SLC30A9: variants seen among roughly 807,000 people sequenced by gnomAD.
SLC30A9 encodes the protein solute carrier family 30 member 9.
In SLC30A9, 58 loss-of-function variants were observed where a neutral mutation model predicts 87.5. The ratio of observed to expected loss-of-function variants is 0.66; its 90% CI spans 0.54 to 0.82. The LOEUF (loss-of-function observed/expected upper bound fraction) is 0.82, where lower values mean the gene tolerates loss of function less well. Ranked by LOEUF, SLC30A9 falls within the 40% of genes least tolerant of loss-of-function variation. SLC30A9 has a pLI of 0.00. For missense variants in SLC30A9, 557 were observed against 679.1 expected, an observed-to-expected ratio of 0.82 and a Z score of 2.00; for synonymous variants, 234 against 233.0, an observed-to-expected ratio of 1.00 and a Z score of -0.04.
rs183256479 is a variant in SLC30A9 at position 42,054,586 on chromosome 4, G to A, written c.840+5107G>A. Among the ~76,000 whole-genome samples, 964 of 151,802 alleles carry A rather than the reference G, an allele frequency of 6.4e-3. 14 individuals are homozygous for A. The highest frequency in any genetic ancestry group is 0.022 in the African/African-American group (927 of 41,394). On this transcript the variant is annotated intron_variant, in intron 9 of 17. Coordinates refer to ENST00000264451, the MANE Select transcript of SLC30A9 (RefSeq NM_006345.4). Reference sequence around the variant, plus strand: ...GCTCACTGCAAGCTCCGCCTCCCAGGTTCACACCATTCTCCTGCCTCAGCC... The same window carrying A: ...GCTCACTGCAAGCTCCGCCTCCCAGATTCACACCATTCTCCTGCCTCAGCC...
intron 8 of SLC30A9, among the ~76,000 whole-genome samples, chr4:42,048,349 G>A (rs1258510530): frequency 6.6e-6 from 1 of 152,190 alleles, no homozygotes; most frequent in Non-Finnish European, 1.5e-5. Context: ...AGGTGGTATT[G>A]ATAAGATGAA....
Position 42,065,321 on chromosome 4 carries a change from T to C in SLC30A9, c.1044T>C (p.Ile348=). The C allele has an allele frequency of 7.3e-7, 1 of 1,365,902 alleles. No homozygotes were observed. Among genetic ancestry groups the C allele is most frequent in the Non-Finnish European group, 1.0e-6 (1 of 957,028 alleles). The allele number at this position is 1,365,902 out of a possible 1,614,324, so 84.6% of individuals were successfully genotyped here. A position where few individuals can be genotyped will look rare whatever the true frequency, so the allele number is the denominator to read the frequency against. Residue 348 remains isoleucine (I), a synonymous_variant, in exon 12 of 18, where the codon ATT becomes ATC. Coordinates refer to ENST00000264451, the MANE Select transcript of SLC30A9 (RefSeq NM_006345.4). ...TATTTCTTTTCTAGGCATATTGTAT[T>C]TTAGCAGGATCATTAGTATCTGAAG... ...PIESLLWAYC[I]LAGSLVSEGA...
chr4:42,043,792 G>A (rs959957095), intron 8 of SLC30A9, among the ~76,000 whole-genome samples: 11 of 152,136 alleles, frequency 7.2e-5, no homozygotes, highest in Admixed American at 1.3e-4. Context: ...TTGAAATGAA[G>A]GAAAAAATGT....
At chr4:41,996,326 C>T (rs1714704210) in intron 1 of SLC30A9, among the ~76,000 whole-genome samples, 1 of 151,606 alleles carries the variant, frequency 6.6e-6, no homozygotes, top group South Asian at 2.1e-4. Flanking sequence ...AAACTCCTGA[C>T]CTCAGGTGAT....
intron 2 of SLC30A9, among the ~76,000 whole-genome samples, chr4:42,005,059 G>A (rs1715145714): frequency 6.6e-6 from 1 of 152,016 alleles, no homozygotes; most frequent in African/African-American, 2.4e-5. Context: ...GTTAAACATA[G>A]CTATTTTATA....
chr4:42,058,285 C>G (rs973521818), intron 9 of SLC30A9, among the ~76,000 whole-genome samples: 2 of 152,146 alleles, frequency 1.3e-5, no homozygotes, highest in African/African-American at 4.8e-5. Flanking sequence ...TAACAAGAGT[C>G]ACCTTTGCCC....
At chr4:42,072,003 A>C (rs1577721607) in intron 15 of SLC30A9, among the ~76,000 whole-genome samples, 1 of 152,252 alleles carries the variant, frequency 6.6e-6, no homozygotes, top group African/African-American at 2.4e-5. Flanking sequence ...TTCTTGACTT[A>C]GTTTAAGTAG....
At chr4:42,018,725 A>G (rs1715818808) in intron 3 of SLC30A9, among the ~76,000 whole-genome samples, 1 of 152,166 alleles carries the variant, frequency 6.6e-6, no homozygotes, top group Non-Finnish European at 1.5e-5. Context: ...GACCTTGGGC[A>G]ATTTACTTGA....
intron 1 of SLC30A9, 70 bp from the exon 2 acceptor site, chr4:42,001,546 G>T: frequency 1.1e-6 from 1 of 931,120 alleles, no homozygotes; most frequent in Non-Finnish European, 1.6e-6. Context: ...CTCTGGAGAG[G>T]GTGGCTTGGC....
At chr4:41,995,053 T>C (rs1714638418) in intron 1 of SLC30A9, among the ~76,000 whole-genome samples, 1 of 151,198 alleles carries the variant, frequency 6.6e-6, no homozygotes, top group Non-Finnish European at 1.5e-5. Flanking sequence ...AGGTCAGGAG[T>C]TCTAGACCAG....
At position 42,049,400 on chromosome 4, in the gene SLC30A9, A is replaced by C; in HGVS notation, c.761A>C (p.Lys254Thr). ...AGCAATGGATTAAACTGCTTCTTTAAATTTCTTGCCTGGATTTATACCGGT... is the reference window on the plus strand; with the variant it reads ...AGCAATGGATTAAACTGCTTCTTTACATTTCTTGCCTGGATTTATACCGGT... ...ICINGLNCFF[K>T]FLAWIYTGSA... The change falls in exon 9 of 18, where the codon AAA becomes ACA. Residue 254 changes from lysine to threonine, a missense_variant. By Grantham distance (78) the Lys-to-Thr change is moderately conservative (BLOSUM62 -1). This residue lies in a region of SLC30A9 where 467 missense variants were observed against 529.8 expected (regional missense o/e 0.88). Coordinates refer to ENST00000264451, the MANE Select transcript of SLC30A9 (RefSeq NM_006345.4). 1 of 1,610,534 alleles carries C rather than the reference A, an allele frequency of 6.2e-7. No homozygotes were observed. Among genetic ancestry groups the C allele is most frequent in the Non-Finnish European group, 8.5e-7 (1 of 1,177,818 alleles).
In SLC30A9 at chr4:42,020,534, G is replaced by A; in HGVS notation, c.434+19G>A. The A allele has an allele frequency of 2.3e-6, 3 of 1,293,956 alleles. No homozygotes were observed. Among genetic ancestry groups the A allele is most frequent in the Non-Finnish European group, 2.2e-6 (2 of 897,624 alleles). The allele number at this position is 1,293,956 out of a possible 1,614,324, so 80.2% of individuals were successfully genotyped here. On this transcript the variant is annotated intron_variant, in intron 4 of 17. Transcript: ENST00000264451. ...AATCCAGGTAATTTTTTTAAAAAAT[G>A]TAGCCGTGTGTCATATCTAAATAAT...
intron 17 of SLC30A9, among the ~76,000 whole-genome samples, chr4:42,079,797 T>C (rs1718689517): frequency 6.6e-6 from 1 of 151,886 alleles, no homozygotes; most frequent in African/African-American, 2.4e-5. Context: ...TTTGTACTTT[T>C]AGTAGAGACA....
At chr4:42,061,901 A>C (rs78519221) in intron 10 of SLC30A9, among the ~76,000 whole-genome samples, 2 of 145,514 alleles carry the variant, frequency 1.4e-5, no homozygotes, top group East Asian at 2.0e-4. Context: ...ACTCCGTTTC[A>C]AAAAAAAAAA....
intron 15 of SLC30A9, among the ~76,000 whole-genome samples, chr4:42,075,034 TATATATATATATATATATATATATA>T (rs1206334500): frequency 2.2e-3 from 17 of 7,878 alleles, no homozygotes; most frequent in Non-Finnish European, 4.5e-3. Context: ...TATATATATA[TATATATATATATATATATATATATA>T]TTTTTTTTTT....
chr4:42,066,110 C>G (rs1269553703), intron 12 of SLC30A9, among the ~76,000 whole-genome samples: 2 of 152,160 alleles, frequency 1.3e-5, no homozygotes, highest in Non-Finnish European at 2.9e-5. Context: ...ATGTTTACTT[C>G]TGAAACATTG....
intron 12 of SLC30A9, among the ~76,000 whole-genome samples, chr4:42,066,194 T>G (rs1718069095): frequency 6.6e-6 from 1 of 152,204 alleles, no homozygotes; most frequent in African/African-American, 2.4e-5. Context: ...CCTAATTGTA[T>G]ATGTTTATGG....
chr4:42,044,386 C>CAAAAAAAAA (rs57572080), intron 8 of SLC30A9, among the ~76,000 whole-genome samples: 22 of 98,710 alleles, frequency 2.2e-4, no homozygotes, highest in African/African-American at 8.8e-4. Context: ...AAATGGAAAG[C>CAAAAAAAAA]AAAAAAAAAA....
intron 9 of SLC30A9, among the ~76,000 whole-genome samples, chr4:42,056,685 C>A (rs1177795975): frequency 6.6e-6 from 1 of 152,154 alleles, no homozygotes; most frequent in Non-Finnish European, 1.5e-5. Context: ...AACAGTCCCC[C>A]AAAGTCTTAA....
Sources: allele counts gnomAD v4.1 joint callset (sites outside exome capture counted in the v4.1 genomes callset), GRCh38; gene constraint gnomAD v4.1.1; regional missense constraint gnomAD v4.1.1; transcripts MANE v1.5; gene names NCBI Gene and HGNC (gene_info 2026-07-23, HGNC 2026-07-21).